PAX4: variants seen among roughly 807,000 people sequenced by gnomAD.
PAX4 encodes the protein paired box 4.
In PAX4, 33 loss-of-function variants were observed where a neutral mutation model predicts 40.6. The ratio of observed to expected loss-of-function variants is 0.81; its 90% CI spans 0.62 to 1.09. The LOEUF (loss-of-function observed/expected upper bound fraction) is 1.09. Ranked by LOEUF, PAX4 falls within the 50% of genes least tolerant of loss-of-function variation. PAX4 has a pLI of 0.00. For synonymous variants in PAX4, 174 were observed against 170.6 expected, an observed-to-expected ratio of 1.02 and a Z score of -0.16; for missense variants, 459 against 442.5, an observed-to-expected ratio of 1.04 and a Z score of -0.33.
intron 6 of PAX4, among the ~76,000 whole-genome samples, chr7:127,614,248 G>A (rs771820757): frequency 2.2e-4 from 34 of 152,080 alleles, no homozygotes; most frequent in Non-Finnish European, 3.4e-4. Flanking sequence ...AGGGGCTAGG[G>A]GACCTGTGTT....
chr7:127,616,894 TC>T (rs1405978394), intron 2 of PAX4, among the ~76,000 whole-genome samples: 2 of 152,144 alleles, frequency 1.3e-5, no homozygotes, highest in African/African-American at 4.8e-5. Context: ...GGGACACAGG[TC>T]CCACAGGCCA....
Position 127,613,021 on chromosome 7 carries a change from C to T in PAX4, c.715+1G>A. ...GATGGATGATGGTGCAGAGAAATCA[C>T]CTGGCAGCTGCATTTCCCACTTGAG... On this transcript the variant is annotated splice_donor_variant, in intron 9 of 11. Coordinates refer to ENST00000639438, the MANE Select transcript of PAX4 (RefSeq NM_001366110.1). LOFTEE classifies it high-confidence loss of function. The T allele has an allele frequency of 6.2e-7, 1 of 1,611,884 alleles. No homozygotes were observed. The highest frequency in any genetic ancestry group is 8.5e-7 in the Non-Finnish European group (1 of 1,179,136).
At chr7:127,611,924 C>T (rs1268470771) in intron 10 of PAX4, 21 bp downstream of exon 10, 1 of 1,613,778 alleles carries the variant, frequency 6.2e-7, no homozygotes, top group Admixed American at 1.7e-5. Flanking sequence ...AGGGCACAGA[C>T]TCCCCTCTCC....
chr7:127,613,981 G>C, intron 6 of PAX4, 100 bp from the exon 7 acceptor site: 1 of 1,420,242 alleles, frequency 7.0e-7, no homozygotes, highest in Admixed American at 1.9e-5. Flanking sequence ...AGACACCATG[G>C]GTAGAAGAGC....
intron 10 of PAX4, 55 bp downstream of exon 10, chr7:127,611,890 G>C: frequency 1.2e-6 from 2 of 1,611,134 alleles, no homozygotes; most frequent in Middle Eastern, 1.7e-4. Flanking sequence ...AAATGGAAGA[G>C]CCCATGAGCC....
chr7:127,615,668 C>A, intron 3 of PAX4, 137 bp from the exon 4 acceptor site: 13 of 1,558,950 alleles, frequency 8.3e-6, no homozygotes, highest in Non-Finnish European at 1.0e-5. Context: ...ATCCTTGCTG[C>A]CCCCAGGCTG....
rs989208522 is a variant in PAX4, at chr7:127,615,302, G to A, written c.144+99C>T. On this transcript the variant is annotated intron_variant, in intron 4 of 11. Coordinates refer to ENST00000639438, the MANE Select transcript of PAX4 (RefSeq NM_001366110.1). ...CCAGGAAGTGACCCAAGTCCCAGAA[G>A]CCCTCAGAGCCTGCAACAGCCCCAG... The A allele has an allele frequency of 5.0e-6, 8 of 1,609,750 alleles. No homozygotes were observed. In the Admixed American group the frequency reaches 6.7e-5, roughly 13 times the overall value.
Position 127,610,338 on chromosome 7 carries a change from A to G in PAX4, c.*726T>C, listed in dbSNP as rs1794596185. Reference sequence around the variant, plus strand: ...CACTCTGTTTGCTGCTATGACAAAAATACATATGCAAATACAAAATACATA... The same window carrying G: ...CACTCTGTTTGCTGCTATGACAAAAGTACATATGCAAATACAAAATACATA... On this transcript the variant is annotated 3_prime_UTR_variant, in exon 12 of 12. Coordinates refer to ENST00000639438, the MANE Select transcript of PAX4 (RefSeq NM_001366110.1). 6.4e-6 allele frequency: 1 copy of G among 155,506 alleles called. No homozygotes were observed. The highest frequency in any genetic ancestry group is 2.0e-4 in the South Asian group (1 of 5,058). The allele number at this position is 155,506 out of a possible 1,614,324, so 9.6% of individuals were successfully genotyped here.
Position 127,610,755 on chromosome 7 carries a change from G to C in PAX4, c.*309C>G. 1.2e-6 allele frequency: 1 copy of C among 825,786 alleles called. No individual in the cohort carries two copies. The highest frequency in any genetic ancestry group is 1.9e-6 in the Non-Finnish European group (1 of 517,698). 51.2% of individuals were successfully genotyped at this position (825,786 alleles called of 1,614,324 possible). A position where few individuals can be genotyped will look rare whatever the true frequency, so the allele number is the denominator to read the frequency against. On this transcript the variant is annotated 3_prime_UTR_variant, in exon 12 of 12. Transcript: ENST00000639438. ...TTGTCTATAATTGTTGAATATTAGA[G>C]TGGGCATAGGGGTGCTCATAGGGAA... is the stretch of plus-strand genomic sequence containing the variant.
At position 127,610,749 on chromosome 7, in the gene PAX4, A is replaced by G; in HGVS notation, c.*315T>C. On this transcript the variant is annotated 3_prime_UTR_variant, in exon 12 of 12. Transcript: ENST00000639438. ...GGCAAATTGTCTATAATTGTTGAAT[A>G]TTAGAGTGGGCATAGGGGTGCTCAT... The G allele has an allele frequency of 1.3e-6, 1 of 794,226 alleles. No homozygotes were observed. The highest frequency in any genetic ancestry group is 2.0e-6 in the Non-Finnish European group (1 of 490,444). The allele number at this position is 794,226 out of a possible 1,614,324, so 49.2% of individuals were successfully genotyped here. A position where few individuals can be genotyped will look rare whatever the true frequency, so the allele number is the denominator to read the frequency against.
At position 127,611,580 on chromosome 7, in the gene PAX4, A is replaced by G. The variant is rs139309837; in HGVS notation, c.868T>C (p.Cys290Arg). 3,285 of 1,613,464 alleles carry G rather than the reference A, an allele frequency of 2.0e-3. 6 individuals are homozygous for G. Among genetic ancestry groups the G allele is most frequent in the Non-Finnish European group, 2.6e-3 (3,107 of 1,179,838 alleles). Residue 290 changes from cysteine to arginine, a missense_variant, in exon 11 of 12, where the codon TGT (cysteine) becomes CGT (arginine). Transcript: ENST00000639438. ...QLCWATAPERCLSDTPPKACL... is the reference protein window; with the variant it reads ...QLCWATAPERRLSDTPPKACL... Reference sequence around the variant, plus strand: ...GCTTTAGGTGGGGTGTCACTCAGACACCTTTCTGGTGCTGTTGCCCAGCAC... The same window carrying G: ...GCTTTAGGTGGGGTGTCACTCAGACGCCTTTCTGGTGCTGTTGCCCAGCAC...
intron 6 of PAX4, 84 bp from the exon 7 acceptor site, chr7:127,613,965 GC>G (rs1794681316): frequency 6.6e-7 from 1 of 1,518,320 alleles, no homozygotes; most frequent in African/African-American, 1.4e-5. Flanking sequence ...TGGGGCTGCA[GC>G]CGGGAGACAC....
chr7:127,616,150 T>C (rs543729867), intron 2 of PAX4, 123 bp from the exon 3 acceptor site: 9 of 578,146 alleles, frequency 1.6e-5, no homozygotes, highest in Admixed American at 6.1e-5. Context: ...ATCAGAAAAT[T>C]CTAATTCCTT....
At chr7:127,611,703 C>G in intron 10 of PAX4, 27 bp from the exon 11 acceptor site, 1 of 1,606,448 alleles carries the variant, frequency 6.2e-7, no homozygotes, top group Admixed American at 1.7e-5. Context: ...AGAGAAGAAC[C>G]TTAGCTTCCA....
At position 127,613,100 on chromosome 7, in the gene PAX4, G is replaced by T. The variant is rs1205317143; in HGVS notation, c.646-9C>A. Reference sequence around the variant, plus strand: ...CTGTTGGAAAACCAGACCTGAGCGAGGACAGGGACAATGCAGCTGGCTGTA... The same window carrying T: ...CTGTTGGAAAACCAGACCTGAGCGATGACAGGGACAATGCAGCTGGCTGTA... On this transcript the variant is annotated splice_polypyrimidine_tract_variant and intron_variant, in intron 8 of 11. Transcript: ENST00000639438. 1 of 1,611,536 alleles carries T rather than the reference G, an allele frequency of 6.2e-7. No individual in the cohort carries two copies. Among genetic ancestry groups the T allele is most frequent in the Non-Finnish European group, 8.5e-7 (1 of 1,178,168 alleles).
In PAX4 at chr7:127,611,966, G is replaced by A; in HGVS notation, c.750C>T (p.Ala250=). 2 of 1,614,068 alleles carry A rather than the reference G, an allele frequency of 1.2e-6. No individual in the cohort carries two copies. The highest frequency in any genetic ancestry group is 1.7e-6 in the Non-Finnish European group (2 of 1,180,012). Residue 250 remains alanine (A), a synonymous_variant, in exon 10 of 12, where the codon GCC becomes GCT. Coordinates refer to ENST00000639438, the MANE Select transcript of PAX4 (RefSeq NM_001366110.1). Reference sequence around the variant, plus strand: ...GTACCTGTGCAGAGATGATTCCTGGGGCAACCCTTGGTACAGTCAGCCCCT... The same window carrying A: ...GTACCTGTGCAGAGATGATTCCTGGAGCAACCCTTGGTACAGTCAGCCCCT... The part of the protein sequence containing the change: ...ASQGLTVPRV[A]PGIISAQQSP...
chr7:127,613,765 G>A lies in PAX4; in HGVS notation c.553C>T (p.Leu185=), dbSNP rs1357154364. 1.9e-6 allele frequency: 3 copies of A among 1,613,960 alleles called. No homozygotes were observed. The highest frequency in any genetic ancestry group is 1.7e-5 in the Admixed American group (1 of 60,004). Reference sequence around the variant, plus strand: ...TGTCCCAGCCCAGCACCTTTCTCCAGTGCCTCTGCTTGGCTTGGGGAGAAG... The same window carrying A: ...TGTCCCAGCCCAGCACCTTTCTCCAATGCCTCTGCTTGGCTTGGGGAGAAG... ...TIFSPSQAEA[L]EKEFQRGQYP... Residue 185 remains leucine (L), a synonymous_variant, in exon 7 of 12, where the codon CTG becomes TTG. Coordinates refer to ENST00000639438, the MANE Select transcript of PAX4 (RefSeq NM_001366110.1).
At position 127,610,342 on chromosome 7, in the gene PAX4, A is replaced by T. The variant is rs759186282; in HGVS notation, c.*722T>A. The T allele has an allele frequency of 6.4e-6, 1 of 155,596 alleles. No individual in the cohort carries two copies. Among genetic ancestry groups the T allele is most frequent in the African/African-American group, 2.4e-5 (1 of 41,466 alleles). 9.6% of individuals were successfully genotyped at this position (155,596 alleles called of 1,614,324 possible). A position where few individuals can be genotyped will look rare whatever the true frequency, so the allele number is the denominator to read the frequency against. ...CTGTTTGCTGCTATGACAAAAATACATATGCAAATACAAAATACATATGCA... is the reference window on the plus strand; with the variant it reads ...CTGTTTGCTGCTATGACAAAAATACTTATGCAAATACAAAATACATATGCA... On this transcript the variant is annotated 3_prime_UTR_variant, in exon 12 of 12. Coordinates refer to ENST00000639438, the MANE Select transcript of PAX4 (RefSeq NM_001366110.1).
chr7:127,614,569 A>G lies in PAX4; in HGVS notation c.361-12T>C. On this transcript the variant is annotated splice_polypyrimidine_tract_variant and intron_variant, in intron 5 of 11. Coordinates refer to ENST00000639438, the MANE Select transcript of PAX4 (RefSeq NM_001366110.1). ...TTGATGGAGGAGACCTGGGAGTGTC[A>G]GGGTGTTGAGTGGAGAGATGGTGCT... 1 of 1,581,830 alleles carries G rather than the reference A, an allele frequency of 6.3e-7. No individual in the cohort carries two copies.
Sources: gnomAD v4.1 joint callset for allele counts (sites outside exome capture counted in the v4.1 genomes callset) on GRCh38, gnomAD v4.1.1 for gene constraint, MANE v1.5 for transcripts, NCBI Gene and HGNC (gene_info 2026-07-23, HGNC 2026-07-21) for gene names.